Variants in SEL1L3 observed in about 807,000 individuals in gnomAD.
SEL1L3 encodes protein sel-1 homolog 3.
A neutral mutation model predicts 142.8 loss-of-function variants in SEL1L3; 76 were observed. The observed-to-expected ratio is 0.53, with a 90% confidence interval of 0.44 to 0.64. The LOEUF is 0.64. Ranked by LOEUF, SEL1L3 falls within the 30% of genes least tolerant of loss-of-function variation. SEL1L3 has a pLI of 0.00. For synonymous variants in SEL1L3, 504 were observed against 519.6 expected (o/e 0.97, Z 0.41); for missense variants, 1,262 against 1,381.7 (o/e 0.91, Z 1.37).
At chr4:25,794,993 G>A (rs557737492) in intron 11 of SEL1L3, among the ~76,000 whole-genome samples, 60 of 138,720 alleles carry the variant, frequency 4.3e-4, no homozygotes, top group African/African-American at 1.4e-3. Context: ...CTTGTAAGTG[G>A]GAGATGAACA....
chr4:25,795,756 C>A (rs1712692076), intron 11 of SEL1L3, among the ~76,000 whole-genome samples: 1 of 152,198 alleles, frequency 6.6e-6, no homozygotes, highest in Non-Finnish European at 1.5e-5. Flanking sequence ...CAATAGCAAC[C>A]AGCATCACAT....
the SEL1L3 span, among the ~76,000 whole-genome samples, chr4:25,738,273 A>C: frequency 1.3e-5 from 2 of 152,214 alleles, no homozygotes; most frequent in South Asian, 4.2e-4. Context: ...GGATGACTAT[A>C]CTATTTATTT....
At chr4:25,853,324 C>A (rs1717024737) in intron 1 of SEL1L3, among the ~76,000 whole-genome samples, 1 of 152,104 alleles carries the variant, frequency 6.6e-6, no homozygotes, top group South Asian at 2.1e-4. Flanking sequence ...AATTCTGTTT[C>A]AAAAAAACTC....
At chr4:25,752,858 T>A (rs1174963999) in intron 23 of SEL1L3, among the ~76,000 whole-genome samples, 2 of 152,254 alleles carry the variant, frequency 1.3e-5, no homozygotes, top group African/African-American at 4.8e-5. Context: ...TGATCTTAGG[T>A]GATCTGCCTG....
intron 23 of SEL1L3, 114 bp from the exon 24 acceptor site, chr4:25,748,678 C>T (rs1422609827): frequency 9.4e-7 from 1 of 1,060,284 alleles, no homozygotes; most frequent in Non-Finnish European, 1.3e-6. Context: ...TCTAATGAAC[C>T]TGACACTAAC....
At chr4:25,783,983 G>A (rs551135565) in intron 14 of SEL1L3, among the ~76,000 whole-genome samples, 1 of 152,272 alleles carries the variant, frequency 6.6e-6, no homozygotes, top group East Asian at 1.9e-4. Context: ...GAATGCTATT[G>A]ACTGGAAGGT....
intron 6 of SEL1L3, among the ~76,000 whole-genome samples, chr4:25,824,904 C>T (rs1714994115): frequency 6.6e-6 from 1 of 152,102 alleles, no homozygotes; most frequent in Non-Finnish European, 1.5e-5. Flanking sequence ...TGAGAAAAAT[C>T]TAGATGGCTT....
intron 9 of SEL1L3, among the ~76,000 whole-genome samples, chr4:25,811,159 C>T (rs1713993750): frequency 6.6e-6 from 1 of 152,118 alleles, no homozygotes; most frequent in Admixed American, 6.6e-5. Context: ...ACAGGTACCT[C>T]GTGGCTGCTT....
chr4:25,763,604 T>C (rs1718523935), intron 20 of SEL1L3, among the ~76,000 whole-genome samples: 1 of 152,134 alleles, frequency 6.6e-6, no homozygotes, highest in Admixed American at 6.5e-5. Flanking sequence ...TCCCAGCACC[T>C]TGGGAGGCCA....
intron 9 of SEL1L3, among the ~76,000 whole-genome samples, chr4:25,808,914 C>CA (rs1387878201): frequency 2.9e-3 from 51 of 17,764 alleles, no homozygotes; most frequent in East Asian, 0.023. Context: ...ACTAAAAATA[C>CA]AAAAAAAAAT....
intron 7 of SEL1L3, among the ~76,000 whole-genome samples, chr4:25,820,209 T>C (rs148238177): frequency 2.0e-4 from 30 of 152,318 alleles, no homozygotes; most frequent in African/African-American, 7.2e-4. Context: ...TTCCCTCTTC[T>C]TTTCTCTGGC....
At position 25,767,979 on chromosome 4, in the gene SEL1L3, T is replaced by C. The variant is rs1214571763; in HGVS notation, c.2670-149A>G. On this transcript the variant is annotated intron_variant, in intron 17 of 23. Coordinates refer to ENST00000399878, the MANE Select transcript of SEL1L3 (RefSeq NM_015187.5). Reference sequence around the variant, plus strand: ...TGAGTTTTTTTAAAAATAAATATTGTTAAAAATACTGCATGCACTGATTTA... The same window carrying C: ...TGAGTTTTTTTAAAAATAAATATTGCTAAAAATACTGCATGCACTGATTTA... 14 of 611,844 alleles carry C rather than the reference T, an allele frequency of 2.3e-5. No individual in the cohort carries two copies. The Admixed American group carries it at 3.9e-4, about 17-fold the overall frequency. 37.9% of individuals were successfully genotyped at this position (611,844 alleles called of 1,614,324 possible).
chr4:25,724,616 G>A, the SEL1L3 span, among the ~76,000 whole-genome samples: 1 of 151,150 alleles, frequency 6.6e-6, no homozygotes, highest in East Asian at 1.9e-4. Flanking sequence ...GTGGGCACCT[G>A]TAATCAGCCA....
At chr4:25,767,453 G>C in intron 19 of SEL1L3, 72 bp downstream of exon 19, 1 of 781,032 alleles carries the variant, frequency 1.3e-6, no homozygotes. Flanking sequence ...ACACAAAGCT[G>C]TCAGATGTTC....
At position 25,818,286 on chromosome 4, in the gene SEL1L3, GA is replaced by G; in HGVS notation, c.1424-9del. 1 of 1,594,274 alleles carries G rather than the reference GA, an allele frequency of 6.3e-7. No homozygotes were observed. On this transcript the variant is annotated splice_polypyrimidine_tract_variant and intron_variant, in intron 8 of 23. Transcript: ENST00000399878. ...AGGAGTTGTGGAGGTGGCCTACACA[GA>G]AGAGGGAGCAGAAGATATCACACCC...
chr4:25,832,509 T>C (rs1349139866), intron 5 of SEL1L3, among the ~76,000 whole-genome samples: 1 of 152,226 alleles, frequency 6.6e-6, no homozygotes, highest in African/African-American at 2.4e-5. Context: ...AATTATCACT[T>C]ATGTGTGTTG....
chr4:25,855,350 A>G (rs997004664), intron 1 of SEL1L3, among the ~76,000 whole-genome samples: 2 of 152,214 alleles, frequency 1.3e-5, no homozygotes, highest in African/African-American at 4.8e-5. Flanking sequence ...ATTTATCTGC[A>G]TGTTCCTTTG....
intron 1 of SEL1L3, among the ~76,000 whole-genome samples, chr4:25,851,687 G>C (rs572844511): frequency 6.6e-6 from 1 of 151,824 alleles, no homozygotes; most frequent in East Asian, 1.9e-4. Flanking sequence ...TCAAGAGATC[G>C]AGACCATCCT....
chr4:25,835,064 G>C (rs1715710756), intron 3 of SEL1L3, 133 bp downstream of exon 3: 2 of 1,042,630 alleles, frequency 1.9e-6, no homozygotes, highest in South Asian at 3.1e-5. Flanking sequence ...CTAAGCCATG[G>C]AAATCTCAAC....
Sources: allele counts gnomAD v4.1 joint callset (sites outside exome capture counted in the v4.1 genomes callset), GRCh38; gene constraint gnomAD v4.1.1; transcripts MANE v1.5; gene names NCBI Gene and HGNC (gene_info 2026-07-23, HGNC 2026-07-21).